PAM: variants seen among roughly 807,000 people sequenced by gnomAD.
PAM encodes the protein peptidylglycine alpha-amidating monooxygenase.
PAM carries 72 observed loss-of-function variants against 122.1 expected under a neutral mutation model. The observed-to-expected ratio is 0.59, with a 90% confidence interval of 0.49 to 0.72. The LOEUF (loss-of-function observed/expected upper bound fraction) is 0.72. PAM is among the 30% of genes least tolerant of loss of function. PAM has a pLI of 0.00. For synonymous variants in PAM, 389 were observed against 404.4 expected (o/e 0.96, Z 0.46); for missense variants, 1,106 against 1,183.7 (o/e 0.93, Z 0.96).
At chr5:103,026,678 A>G (rs906496108) in intron 24 of PAM, among the ~76,000 whole-genome samples, 1 of 152,172 alleles carries the variant, frequency 6.6e-6, no homozygotes, top group Admixed American at 6.6e-5. Context: ...ATAGTTTCTG[A>G]TACTAGTGGT....
intron 15 of PAM, among the ~76,000 whole-genome samples, chr5:102,979,429 A>G (rs189143311): frequency 4.9e-4 from 75 of 152,308 alleles, no homozygotes; most frequent in Non-Finnish European, 9.9e-4. Flanking sequence ...TCTGATGAAT[A>G]ACAATCCCTG....
intron 5 of PAM, among the ~76,000 whole-genome samples, chr5:102,916,626 T>TTATA (rs10550198): frequency 1.6e-4 from 23 of 143,952 alleles, no homozygotes; most frequent in Non-Finnish European, 2.9e-4. Flanking sequence ...TCAGGCCTTT[T>TTATA]TATATATATA....
chr5:102,817,434 T>C (rs1475604034), intron 1 of PAM, among the ~76,000 whole-genome samples: 1 of 152,164 alleles, frequency 6.6e-6, no homozygotes, highest in Admixed American at 6.5e-5. Context: ...GAAAAAAAGA[T>C]GGTACAATAT....
chr5:102,903,799 G>A, intron 4 of PAM, among the ~76,000 whole-genome samples: 1 of 151,574 alleles, frequency 6.6e-6, no homozygotes, highest in East Asian at 1.9e-4. Flanking sequence ...GGAGAAATGA[G>A]CAAAGTTATC....
intron 15 of PAM, among the ~76,000 whole-genome samples, chr5:102,976,071 T>C (rs1256334955): frequency 6.6e-6 from 1 of 152,200 alleles, no homozygotes; most frequent in Non-Finnish European, 1.5e-5. Flanking sequence ...AAAATGCTTC[T>C]CTAGTATCTG....
chr5:102,997,357 CA>C (rs1267807295), intron 16 of PAM, among the ~76,000 whole-genome samples: 1 of 151,866 alleles, frequency 6.6e-6, no homozygotes, highest in Non-Finnish European at 1.5e-5. Flanking sequence ...CCCATCTCAA[CA>C]AAAAATAAAT....
intron 2 of PAM, among the ~76,000 whole-genome samples, 176 bp from the exon 3 acceptor site, chr5:102,867,097 T>C (rs1414960666): frequency 1.3e-5 from 2 of 152,200 alleles, no homozygotes; most frequent in African/African-American, 2.4e-5. Flanking sequence ...GTTATTGGAC[T>C]ATAAAATGAA....
chr5:102,864,990 A>G (rs1404379866), intron 1 of PAM, among the ~76,000 whole-genome samples: 5 of 152,120 alleles, frequency 3.3e-5, no homozygotes, highest in Non-Finnish European at 7.4e-5. Context: ...CATTTGTATT[A>G]ATGTGACGTT....
chr5:102,829,788 A>C (rs1471663326), intron 1 of PAM, among the ~76,000 whole-genome samples: 1 of 152,170 alleles, frequency 6.6e-6, no homozygotes, highest in African/African-American at 2.4e-5. Flanking sequence ...AAATCTCAGA[A>C]TCTAGAAAGA....
intron 16 of PAM, among the ~76,000 whole-genome samples, chr5:102,997,483 C>A (rs1336630211): frequency 6.6e-6 from 1 of 152,058 alleles, no homozygotes; most frequent in East Asian, 1.9e-4. Flanking sequence ...CATGCCACTG[C>A]ACTCCAACCT....
Position 102,798,994 on chromosome 5 carries a change from G to A in PAM, c.-374+43646G>A, listed in dbSNP as rs748513132. 3.9e-5 allele frequency among the ~76,000 whole-genome samples: 6 copies of A among 152,306 alleles called. No individual in the cohort carries two copies. In the East Asian group the frequency reaches 1.2e-3, roughly 29 times the overall value. On this transcript the variant is annotated intron_variant, in intron 1 of 25. Coordinates refer to ENST00000438793, the MANE Select transcript of PAM (RefSeq NM_001177306.2). ...TTAATGTATATGAATCTGCTGTTGT[G>A]TGGATGAAGTAGCATAGCAACGTCA...
At chr5:102,949,462 T>G (rs573795349) in intron 9 of PAM, 75 bp from the exon 10 acceptor site, 1 of 804,014 alleles carries the variant, frequency 1.2e-6, no homozygotes, top group Non-Finnish European at 2.3e-6. Flanking sequence ...GAATACCCTA[T>G]GCATAATTTT....
intron 4 of PAM, among the ~76,000 whole-genome samples, chr5:102,911,218 C>G (rs1241970405): frequency 6.6e-6 from 1 of 151,858 alleles, no homozygotes; most frequent in Non-Finnish European, 1.5e-5. Flanking sequence ...AGATATTATA[C>G]TTTTTCTTTA....
intron 1 of PAM, among the ~76,000 whole-genome samples, chr5:102,808,425 C>T (rs1766854303): frequency 6.6e-6 from 1 of 152,068 alleles, no homozygotes; most frequent in Non-Finnish European, 1.5e-5. Context: ...TGGGCAGGCA[C>T]ATGTGGGGTA....
At chr5:102,927,855 T>C (rs1750138881) in intron 7 of PAM, among the ~76,000 whole-genome samples, 1 of 151,798 alleles carries the variant, frequency 6.6e-6, no homozygotes, top group South Asian at 2.1e-4. Context: ...AAATATGCTT[T>C]GAGTTATACA....
chr5:103,014,084 T>C (rs1781359798), intron 21 of PAM, among the ~76,000 whole-genome samples: 1 of 152,190 alleles, frequency 6.6e-6, no homozygotes, highest in Non-Finnish European at 1.5e-5. Context: ...CTTCCTCATA[T>C]CTGTTGGTAA....
chr5:103,000,050 C>G (rs1208352281), intron 16 of PAM, among the ~76,000 whole-genome samples: 1 of 152,166 alleles, frequency 6.6e-6, no homozygotes, highest in Non-Finnish European at 1.5e-5. Flanking sequence ...TGCAAATTTT[C>G]CAAACCTTTA....
intron 3 of PAM, among the ~76,000 whole-genome samples, chr5:102,879,845 A>C (rs1790405463): frequency 6.6e-6 from 1 of 152,254 alleles, no homozygotes; most frequent in African/African-American, 2.4e-5. Context: ...GTACAGGCTT[A>C]CAGCCTAGAA....
chr5:102,899,031 G>T (rs1388076359), intron 3 of PAM, among the ~76,000 whole-genome samples: 1 of 151,162 alleles, frequency 6.6e-6, no homozygotes, highest in Non-Finnish European at 1.5e-5. Context: ...CCTGCAGAGG[G>T]TCTCCTTCCT....
Sources: allele counts gnomAD v4.1 joint callset (sites outside exome capture counted in the v4.1 genomes callset), GRCh38; gene constraint gnomAD v4.1.1; transcripts MANE v1.5; gene names NCBI Gene and HGNC (gene_info 2026-07-23, HGNC 2026-07-21).